The following SDK1 variants were observed in gnomAD, a reference collection of about 807,000 sequenced individuals.
SDK1 encodes the protein protein sidekick-1.
Under a neutral mutation model 245.5 loss-of-function variants are expected in SDK1, and 157 were observed. That is an observed-to-expected ratio of 0.64 (90% CI 0.56 to 0.73). The LOEUF (loss-of-function observed/expected upper bound fraction) is 0.73, where lower values mean the gene tolerates loss of function less well. Among genes scored for constraint, SDK1 ranks in the 30% least tolerant of loss-of-function variants. The pLI, the probability that SDK1 is intolerant of heterozygous loss-of-function variation, is 0.00. For missense variants in SDK1, 3,583 were observed against 3,002.3 expected (o/e 1.19, Z -4.52); for synonymous variants, 1,647 against 1,278.5 (o/e 1.29, Z -6.15).
At chr7:3,701,241 C>T (rs895907693) in intron 4 of SDK1, among the ~76,000 whole-genome samples, 2 of 152,282 alleles carry the variant, frequency 1.3e-5, no homozygotes, top group East Asian at 1.9e-4. Flanking sequence ...AGAACATATA[C>T]AGCACTTGAT....
intron 17 of SDK1, among the ~76,000 whole-genome samples, chr7:4,038,264 C>T (rs1166740155): frequency 1.3e-5 from 2 of 152,342 alleles, no homozygotes; most frequent in Non-Finnish European, 2.9e-5. Context: ...TCTCCTTCTG[C>T]CCTGTCCTGG....
At chr7:3,830,352 T>TTATGTGAGCTATGTTATGTTA (rs1779883263) in intron 5 of SDK1, among the ~76,000 whole-genome samples, 1 of 152,230 alleles carries the variant, frequency 6.6e-6, no homozygotes. Flanking sequence ...TAGCTCATTG[T>TTATGTGAGCTATGTTATGTTA]TAGTAATTCC....
At chr7:3,694,158 G>A (rs537091029) in intron 4 of SDK1, among the ~76,000 whole-genome samples, 3 of 152,190 alleles carry the variant, frequency 2.0e-5, no homozygotes, top group Non-Finnish European at 4.4e-5. Context: ...AAGTAATTTA[G>A]ATTGCTCTTT....
chr7:3,761,260 C>CTTTTTTTTT (rs71029692), intron 4 of SDK1, among the ~76,000 whole-genome samples: 10 of 93,762 alleles, frequency 1.1e-4, no homozygotes, highest in Admixed American at 1.3e-4. Context: ...GCCCCCCCTC[C>CTTTTTTTTT]TTTTTTTTTT....
intron 1 of SDK1, among the ~76,000 whole-genome samples, chr7:3,545,771 C>G (rs543301031): frequency 6.6e-6 from 1 of 152,276 alleles, no homozygotes; most frequent in Non-Finnish European, 1.5e-5. Flanking sequence ...GGCCGCTGTT[C>G]TGTTAATTTT....
Position 4,157,410 on chromosome 7 carries a change from A to AAGAAAAGGAGGGAAGGAAGGCAAG in SDK1, c.4626-1021_4626-998dup, listed in dbSNP as rs1320129957. Among the ~76,000 whole-genome samples the AAGAAAAGGAGGGAAGGAAGGCAAG allele has an allele frequency of 1.0e-4, 5 of 48,416 alleles. No individual in the cohort carries two copies. In the South Asian group the frequency reaches 3.0e-3, roughly 29 times the overall value. 31.8% of individuals were successfully genotyped at this position (48,416 alleles called of 152,430 possible). The stretch of plus-strand genomic sequence containing the variant: ...GAATGAGGGGAGGGAGGGAGGAATG[A>AAGAAAAGGAGGGAAGGAAGGCAAG]AGAAAAGGAGGGAAGGAAGGCAAGA... On this transcript the variant is annotated intron_variant, in intron 30 of 44. Transcript: ENST00000404826.
chr7:3,695,431 T>C (rs980438768), intron 4 of SDK1, among the ~76,000 whole-genome samples: 4 of 152,234 alleles, frequency 2.6e-5, no homozygotes, highest in African/African-American at 9.6e-5. Context: ...CATTTTCTCA[T>C]GTCTTCTCTT....
chr7:3,576,949 ACTTTTGATGTGTATC>A (rs1276815386), intron 1 of SDK1, among the ~76,000 whole-genome samples: 1 of 151,958 alleles, frequency 6.6e-6, no homozygotes, highest in Non-Finnish European at 1.5e-5. Context: ...GAAATAGTAG[ACTTTTGATGTGTATC>A]CTTTTGCACT....
intron 1 of SDK1, among the ~76,000 whole-genome samples, chr7:3,400,877 C>A (rs1015025086): frequency 1.3e-5 from 2 of 152,126 alleles, no homozygotes; most frequent in South Asian, 2.1e-4. Flanking sequence ...GCCATTCTTA[C>A]GGCCAGAGGA....
At chr7:3,965,671 G>C (rs769726094) in intron 9 of SDK1, among the ~76,000 whole-genome samples, 1 of 152,140 alleles carries the variant, frequency 6.6e-6, no homozygotes, top group African/African-American at 2.4e-5. Flanking sequence ...CCAGGACAGA[G>C]GGTCTGCAGG....
chr7:3,802,433 G>A (rs991910987), intron 4 of SDK1, among the ~76,000 whole-genome samples: 2 of 152,066 alleles, frequency 1.3e-5, no homozygotes, highest in African/African-American at 4.8e-5. Flanking sequence ...TACTCAGCAG[G>A]CTGAGGTGGG....
chr7:3,987,888 G>T (rs1233966613), intron 14 of SDK1, among the ~76,000 whole-genome samples: 3 of 152,112 alleles, frequency 2.0e-5, no homozygotes, highest in African/African-American at 4.8e-5. Context: ...CCAGCTGGCT[G>T]GGTGACGTGT....
chr7:3,450,598 A>T (rs1780484235), intron 1 of SDK1, among the ~76,000 whole-genome samples: 1 of 152,118 alleles, frequency 6.6e-6, no homozygotes, highest in Non-Finnish European at 1.5e-5. Context: ...TGAGTTTGGG[A>T]ATGGGAAGCT....
intron 4 of SDK1, among the ~76,000 whole-genome samples, chr7:3,795,656 A>T (rs564677802): frequency 5.9e-5 from 9 of 152,158 alleles, no homozygotes; most frequent in Non-Finnish European, 1.3e-4. Context: ...GAAAAGTGAC[A>T]CTGATGTATT....
intron 2 of SDK1, among the ~76,000 whole-genome samples, chr7:3,623,202 G>T (rs73039630): frequency 0.043 from 6,460 of 149,748 alleles, 229 homozygotes; most frequent in Non-Finnish European, 0.057. Context: ...TTTCTTTGCT[G>T]TGTGCGTTAC....
intron 4 of SDK1, among the ~76,000 whole-genome samples, chr7:3,764,446 G>A (rs1780193688): frequency 6.6e-6 from 1 of 152,190 alleles, no homozygotes; most frequent in Non-Finnish European, 1.5e-5. Flanking sequence ...AACACTTTGG[G>A]AGGCCGAGGC....
intron 1 of SDK1, among the ~76,000 whole-genome samples, chr7:3,574,781 G>GA (rs1780232343): frequency 6.6e-6 from 1 of 152,100 alleles, no homozygotes; most frequent in South Asian, 2.1e-4. Flanking sequence ...CTCAAAGGCA[G>GA]AAATAAGGAG....
In SDK1 at chr7:3,669,369, C is replaced by T. The variant is rs1380526577; in HGVS notation, c.713+27264C>T. Among the ~76,000 whole-genome samples, 5 of 152,252 alleles carry T rather than the reference C, an allele frequency of 3.3e-5. No homozygotes were observed. The East Asian group carries it at 9.7e-4, about 29-fold the overall frequency. On this transcript the variant is annotated intron_variant, in intron 4 of 44. Transcript: ENST00000404826. ...TGGAACATGTTCAGGTTTTACAGCA[C>T]CTTCTTACCCCCTTTTCATTGAACT...
intron 1 of SDK1, among the ~76,000 whole-genome samples, chr7:3,520,926 T>A (rs893985848): frequency 6.6e-6 from 1 of 152,194 alleles, no homozygotes; most frequent in African/African-American, 2.4e-5. Context: ...TTTCCCAGTT[T>A]TGTAGGTCAT....
Sources: allele counts gnomAD v4.1 joint callset (sites outside exome capture counted in the v4.1 genomes callset), GRCh38; gene constraint gnomAD v4.1.1; transcripts MANE v1.5; gene names NCBI Gene and HGNC (gene_info 2026-07-23, HGNC 2026-07-21).